Variants in SGCG observed in about 807,000 individuals in gnomAD.
The protein encoded by SGCG is sarcoglycan gamma.
SGCG carries 26 observed loss-of-function variants against 29.3 expected under a neutral mutation model. That is an observed-to-expected ratio of 0.89 (90% CI 0.65 to 1.23). The LOEUF (loss-of-function observed/expected upper bound fraction) is 1.23, where lower values mean the gene tolerates loss of function less well. Among genes scored for constraint, SGCG ranks in the 50% most tolerant of loss-of-function variants. The pLI, the probability that SGCG is intolerant of heterozygous loss-of-function variation, is 0.00. For missense variants in SGCG, 353 were observed against 356.0 expected (o/e 0.99, Z 0.07); for synonymous variants, 145 against 129.7 (o/e 1.12, Z -0.80).
chr13:23,251,350 T>C (rs901721963), intron 4 of SGCG, among the ~76,000 whole-genome samples: 1 of 152,208 alleles, frequency 6.6e-6, no homozygotes, highest in Non-Finnish European at 1.5e-5. Flanking sequence ...CAGTCAGCTA[T>C]GTACACCCAT....
intron 5 of SGCG, among the ~76,000 whole-genome samples, chr13:23,281,842 G>A (rs570322435): frequency 1.6e-3 from 241 of 152,324 alleles, no homozygotes; most frequent in African/African-American, 5.5e-3. Flanking sequence ...CTCACCTCCT[G>A]CTGTGAGGCC....
intron 2 of SGCG, among the ~76,000 whole-genome samples, chr13:23,204,803 G>A (rs1198868085): frequency 2.0e-5 from 3 of 149,592 alleles, no homozygotes; most frequent in Non-Finnish European, 4.4e-5. Context: ...CCTCTGCACA[G>A]GCTCTTTCTG....
At chr13:23,259,972 T>C (rs1880361309) in intron 4 of SGCG, among the ~76,000 whole-genome samples, 1 of 152,168 alleles carries the variant, frequency 6.6e-6, no homozygotes, top group East Asian at 1.9e-4. Flanking sequence ...CAGTATGTGG[T>C]CAATTTTGGA....
intron 4 of SGCG, among the ~76,000 whole-genome samples, chr13:23,251,762 G>GAT (rs1280570201): frequency 6.6e-6 from 1 of 151,994 alleles, no homozygotes; most frequent in Admixed American, 6.6e-5. Context: ...GAATAACGAA[G>GAT]ATATATATAT....
chr13:23,175,899 A>T, the SGCG span, among the ~76,000 whole-genome samples: 8 of 152,138 alleles, frequency 5.3e-5, no homozygotes, highest in Admixed American at 3.9e-4. Context: ...AGTGAGAATC[A>T]TCCAAGTAAT....
intron 4 of SGCG, among the ~76,000 whole-genome samples, chr13:23,262,222 G>A (rs1369936481): frequency 6.6e-6 from 1 of 151,856 alleles, no homozygotes; most frequent in Non-Finnish European, 1.5e-5. Flanking sequence ...TTAGCAAAAT[G>A]GATTAAAAAA....
chr13:23,226,338 A>G (rs1878896961), intron 2 of SGCG, among the ~76,000 whole-genome samples: 2 of 152,212 alleles, frequency 1.3e-5, no homozygotes, highest in Admixed American at 6.5e-5. Flanking sequence ...ATCACTTATA[A>G]TGTCACCAAG....
At chr13:23,229,411 CT>C (rs1879023674) in intron 2 of SGCG, among the ~76,000 whole-genome samples, 1 of 152,224 alleles carries the variant, frequency 6.6e-6, no homozygotes. Context: ...AATTTACACT[CT>C]CACCAGCAGC....
At chr13:23,235,899 A>T (rs573486086) in intron 3 of SGCG, among the ~76,000 whole-genome samples, 1 of 152,248 alleles carries the variant, frequency 6.6e-6, no homozygotes, top group Non-Finnish European at 1.5e-5. Context: ...CATAAAACAC[A>T]CTCCTGAACC....
At chr13:23,323,107 G>T (rs1391628548) in intron 7 of SGCG, among the ~76,000 whole-genome samples, 1 of 152,162 alleles carries the variant, frequency 6.6e-6, no homozygotes, top group East Asian at 1.9e-4. Context: ...ACCAGAGTGT[G>T]TGGGCAGGAC....
intron 1 of SGCG, among the ~76,000 whole-genome samples, chr13:23,192,550 C>T (rs891326160): frequency 3.3e-5 from 5 of 151,966 alleles, no homozygotes; most frequent in Admixed American, 6.6e-5. Flanking sequence ...CCTGCCACCA[C>T]GCCCAGCTAA....
chr13:23,194,360 GTGACGGAAAC>G (rs1877401060), intron 1 of SGCG, among the ~76,000 whole-genome samples: 1 of 152,172 alleles, frequency 6.6e-6, no homozygotes, highest in Non-Finnish European at 1.5e-5. Flanking sequence ...TCGGGTGCAA[GTGACGGAAAC>G]CCAAGTCGAA....
At chr13:23,320,600 T>A in intron 6 of SGCG, 37 bp from the exon 7 acceptor site, 1 of 1,431,484 alleles carries the variant, frequency 7.0e-7, no homozygotes, top group South Asian at 1.3e-5. Context: ...TTTAATACTT[T>A]TTTTTTTTTT....
intron 4 of SGCG, among the ~76,000 whole-genome samples, chr13:23,259,140 C>T (rs1880322179): frequency 6.6e-6 from 1 of 152,094 alleles, no homozygotes; most frequent in South Asian, 2.1e-4. Context: ...CTTTGTACCT[C>T]TGGTAGAATT....
chr13:23,218,577 T>G (rs1468761134), intron 2 of SGCG, among the ~76,000 whole-genome samples: 1 of 152,154 alleles, frequency 6.6e-6, no homozygotes, highest in Non-Finnish European at 1.5e-5. Context: ...TAAAATTTGT[T>G]GGGAAAGGGT....
intron 4 of SGCG, among the ~76,000 whole-genome samples, chr13:23,265,238 A>T (rs901067619): frequency 1.3e-5 from 2 of 151,852 alleles, no homozygotes; most frequent in Non-Finnish European, 2.9e-5. Context: ...TCTACGAGGA[A>T]ATAAAACAGA....
chr13:23,323,728 TAGG>T (rs1199049770), intron 7 of SGCG, among the ~76,000 whole-genome samples: 1 of 152,198 alleles, frequency 6.6e-6, no homozygotes, highest in Non-Finnish European at 1.5e-5. Context: ...CAGCATCTAA[TAGG>T]AGGCTGTGCA....
chr13:23,223,675 T>C (rs1334133084), intron 2 of SGCG, among the ~76,000 whole-genome samples: 2 of 152,002 alleles, frequency 1.3e-5, no homozygotes, highest in Admixed American at 1.3e-4. Context: ...CACTTAAAGA[T>C]AGGAGGGGCT....
At chr13:23,164,259 T>C in the SGCG span, among the ~76,000 whole-genome samples, 4 of 152,242 alleles carry the variant, frequency 2.6e-5, no homozygotes, top group Admixed American at 6.5e-5. Flanking sequence ...ATAGTTTAAT[T>C]ATCACAGGTA....
Sources: allele counts gnomAD v4.1 joint callset (sites outside exome capture counted in the v4.1 genomes callset), GRCh38; gene constraint gnomAD v4.1.1; transcripts MANE v1.5; gene names NCBI Gene and HGNC (gene_info 2026-07-23, HGNC 2026-07-21).